The following ABCB5 variants were observed in gnomAD, a reference collection of about 807,000 sequenced individuals.
The protein encoded by ABCB5 is ATP-binding cassette sub-family B member 5.
A neutral mutation model predicts 144.2 loss-of-function variants in ABCB5; 155 were observed. That is an observed-to-expected ratio of 1.08 (90% CI 0.94 to 1.23). ABCB5 has a LOEUF of 1.23. Ranked by LOEUF, ABCB5 falls within the 50% of genes most tolerant of loss-of-function variation. ABCB5 has a pLI of 0.00. For missense variants in ABCB5, 1,830 were observed against 1,520.8 expected, an observed-to-expected ratio of 1.20 and a Z score of -3.38; for synonymous variants, 610 against 528.6, an observed-to-expected ratio of 1.15 and a Z score of -2.11.
Position 20,669,208 on chromosome 7 carries a change from G to A in ABCB5, c.1707+10532G>A, listed in dbSNP as rs377262656. On this transcript the variant is annotated intron_variant, in intron 14 of 27. Transcript: ENST00000404938. ...GTGAGGAGCCCCTCTGCCCGGCCACGACCCCGTCTGGGAGGTGTGCCCAGC... is the reference window on the plus strand; with the variant it reads ...GTGAGGAGCCCCTCTGCCCGGCCACAACCCCGTCTGGGAGGTGTGCCCAGC... 2.8e-5 allele frequency among the ~76,000 whole-genome samples: 4 copies of A among 145,136 alleles called. No homozygotes were observed. In the South Asian group the frequency reaches 9.1e-4, roughly 33 times the overall value.
chr7:20,728,258 T>A (rs1782099213), intron 22 of ABCB5, 57 bp from the exon 23 acceptor site: 1 of 1,577,700 alleles, frequency 6.3e-7, no homozygotes, highest in Non-Finnish European at 8.6e-7. Flanking sequence ...CTACATGTAT[T>A]CAATTGACCT....
At chr7:20,654,339 T>C (rs2095859222) in intron 13 of ABCB5, among the ~76,000 whole-genome samples, 1 of 152,154 alleles carries the variant, frequency 6.6e-6, no homozygotes, top group African/African-American at 2.4e-5. Flanking sequence ...TAAAAGTTTA[T>C]TCTTTAAGAA....
At chr7:20,708,372 C>T (rs1786893328) in intron 20 of ABCB5, among the ~76,000 whole-genome samples, 2 of 152,244 alleles carry the variant, frequency 1.3e-5, no homozygotes. Context: ...GGTGCAGTGG[C>T]TCACATCAGT....
At chr7:20,754,776 G>C (rs2128058467) in intron 27 of ABCB5, among the ~76,000 whole-genome samples, 1 of 152,232 alleles carries the variant, frequency 6.6e-6, no homozygotes, top group African/African-American at 2.4e-5. Context: ...AATTTGAATA[G>C]TATTAGAACT....
chr7:20,686,910 C>T (rs1786021199), intron 16 of ABCB5, among the ~76,000 whole-genome samples: 1 of 152,154 alleles, frequency 6.6e-6, no homozygotes, highest in African/African-American at 2.4e-5. Context: ...CCCCTCTTGC[C>T]CTTCTCTGGC....
intron 14 of ABCB5, chr7:20,666,635 A>AGAG: frequency 8.0e-7 from 1 of 1,252,174 alleles, no homozygotes; most frequent in Non-Finnish European, 1.1e-6. Context: ...AGTGTCAAGT[A>AGAG]GAGACCTGTC....
intron 17 of ABCB5, 59 bp from the exon 18 acceptor site, chr7:20,699,764 ACT>A: frequency 8.5e-7 from 1 of 1,174,340 alleles, no homozygotes; most frequent in Non-Finnish European, 1.2e-6. Flanking sequence ...AGAAATTTTC[ACT>A]TTTTCTGTTT....
At chr7:20,649,361 C>G (rs1784509751) in intron 11 of ABCB5, among the ~76,000 whole-genome samples, 2 of 152,140 alleles carry the variant, frequency 1.3e-5, no homozygotes, top group South Asian at 2.1e-4. Context: ...TAACTACATA[C>G]AGATGCAAGC....
chr7:20,732,587 A>G (rs1782257899), intron 23 of ABCB5, among the ~76,000 whole-genome samples: 1 of 152,186 alleles, frequency 6.6e-6, no homozygotes, highest in Non-Finnish European at 1.5e-5. Flanking sequence ...CAGTACAGTC[A>G]TTTCTGGAAA....
rs1783064932 is a variant in ABCB5, at chr7:20,755,586, A to G, written c.3736A>G (p.Ile1246Val). The change falls in exon 28 of 28, where the codon ATA becomes GTA. Residue 1246 changes from isoleucine (I) to valine (V), a missense_variant. By Grantham distance (29) the Ile-to-Val change is conservative. Coordinates refer to ENST00000404938, the MANE Select transcript of ABCB5 (RefSeq NM_001163941.2). ...TCAAGAGCTCCTGAGAAATCGAGAC[A>G]TATATTTTAAGTTAGTGAATGCACA... ...THQELLRNRD[I>V]YFKLVNAQSV... The G allele has an allele frequency of 1.2e-6, 2 of 1,614,216 alleles. No individual in the cohort carries two copies. Among genetic ancestry groups the G allele is most frequent in the Non-Finnish European group, 1.7e-6 (2 of 1,180,040 alleles).
At chr7:20,633,492 C>T (rs1228934852) in intron 5 of ABCB5, among the ~76,000 whole-genome samples, 1 of 152,044 alleles carries the variant, frequency 6.6e-6, no homozygotes, top group Non-Finnish European at 1.5e-5. Context: ...TTATAATTGA[C>T]ACACAATAAT....
rs191155812 is a variant in ABCB5 at position 20,722,901 on chromosome 7, T to C, written c.2422-115T>C. 6.6e-6 allele frequency: 5 copies of C among 755,144 alleles called. No homozygotes were observed. The East Asian group carries it at 1.3e-4, about 20-fold the overall frequency. The allele number at this position is 755,144 out of a possible 1,614,324, so 46.8% of individuals were successfully genotyped here. A position where few individuals can be genotyped will look rare whatever the true frequency, so the allele number is the denominator to read the frequency against. ...AAAGTATAAATTCAAGGCATAAATT[T>C]AAGTATAAATTCTTTTTTTAAAAAG... is the stretch of plus-strand genomic sequence containing the variant. On this transcript the variant is annotated intron_variant, in intron 20 of 27. Coordinates refer to ENST00000404938, the MANE Select transcript of ABCB5 (RefSeq NM_001163941.2).
chr7:20,669,040 C>G, intron 14 of ABCB5, among the ~76,000 whole-genome samples: 1 of 139,614 alleles, frequency 7.2e-6, no homozygotes, highest in Non-Finnish European at 1.5e-5. Flanking sequence ...TCTGCCCGGC[C>G]GCCCCTACTG....
intron 14 of ABCB5, chr7:20,659,915 C>T (rs1784946378): frequency 1.0e-6 from 1 of 953,222 alleles, no homozygotes; most frequent in Non-Finnish European, 1.2e-6. Context: ...AACTCCTGAC[C>T]TCAGGTGATC....
chr7:20,676,342 CAACTT>C (rs1405568225), intron 14 of ABCB5, among the ~76,000 whole-genome samples: 3 of 152,012 alleles, frequency 2.0e-5, no homozygotes, highest in Admixed American at 1.3e-4. Context: ...GATATGGAAA[CAACTT>C]AAATATTTAT....
At chr7:20,712,373 T>A (rs951531782) in intron 20 of ABCB5, among the ~76,000 whole-genome samples, 1 of 148,854 alleles carries the variant, frequency 6.7e-6, no homozygotes, top group Non-Finnish European at 1.5e-5. Context: ...TTCTTATGCT[T>A]GAAGTTCACT....
At chr7:20,667,237 G>A in intron 14 of ABCB5, 5 of 966,232 alleles carry the variant, frequency 5.2e-6, no homozygotes, top group Non-Finnish European at 6.2e-6. Context: ...AATATTTATA[G>A]TTTAGGCCAG....
Position 20,711,849 on chromosome 7 carries a change from CTTTCTTTCT to C in ABCB5, c.2421+7045_2421+7053del, listed in dbSNP as rs1562573834. Among the ~76,000 whole-genome samples the C allele has an allele frequency of 1.1e-3, 64 of 60,746 alleles. 6 individuals carry two copies. Among genetic ancestry groups the C allele is most frequent in the African/African-American group, 3.7e-3 (56 of 15,040 alleles). 39.9% of individuals were successfully genotyped at this position (60,746 alleles called of 152,430 possible). On this transcript the variant is annotated intron_variant, in intron 20 of 27. Transcript: ENST00000404938. ...CTTTCTTTCTTTCTTTCTTTCTTTTCTTTCTTTCTTTCCTTCCTCCCTCCCTCCCTCCCT... is the reference window on the plus strand; with the variant it reads ...CTTTCTTTCTTTCTTTCTTTCTTTTCTTCCTTCCTCCCTCCCTCCCTCCCT...
In ABCB5 at chr7:20,744,004, C is replaced by G. The variant is rs138220507; in HGVS notation, c.3222+930C>G. 1.4e-3 allele frequency among the ~76,000 whole-genome samples: 208 copies of G among 152,260 alleles called. 4 individuals are homozygous for G. In the East Asian group the frequency reaches 0.031, roughly 23 times the overall value. On this transcript the variant is annotated intron_variant, in intron 25 of 27. Coordinates refer to ENST00000404938, the MANE Select transcript of ABCB5 (RefSeq NM_001163941.2). ...CCCACTCCAAGCTCCTCTCATATCA[C>G]TCCCCACGTCATCATGCACTGTGCT... is the stretch of plus-strand genomic sequence containing the variant.
Sources: allele counts gnomAD v4.1 joint callset (sites outside exome capture counted in the v4.1 genomes callset), GRCh38; gene constraint gnomAD v4.1.1; transcripts MANE v1.5; gene names NCBI Gene and HGNC (gene_info 2026-07-23, HGNC 2026-07-21).